Variants in LIG3 observed in about 807,000 individuals in gnomAD.
LIG3 encodes the protein DNA ligase 3.
A neutral mutation model predicts 110.9 loss-of-function variants in LIG3; 58 were observed. That is an observed-to-expected ratio of 0.52 (90% CI 0.42 to 0.65). The LOEUF is 0.65. Ranked by LOEUF, LIG3 falls within the 30% of genes least tolerant of loss-of-function variation. The pLI, the probability that LIG3 is intolerant of heterozygous loss-of-function variation, is 0.00. For synonymous variants in LIG3, 422 were observed against 472.8 expected, an observed-to-expected ratio of 0.89 and a Z score of 1.39; for missense variants, 1,094 against 1,273.8, an observed-to-expected ratio of 0.86 and a Z score of 2.15.
rs747105066 is a variant in LIG3, at chr17:34,991,651, A to C, written c.1042-20A>C. 3.1e-6 allele frequency: 5 copies of C among 1,612,514 alleles called. No individual in the cohort carries two copies. The East Asian group carries it at 1.1e-4, about 36-fold the overall frequency. On this transcript the variant is annotated intron_variant, in intron 5 of 19. Transcript: ENST00000378526. ...GCCACCCTAGGGTTGCAGCAGTGGCATTTTGGTTTTTGGAGACAGGGTGAC... is the reference window on the plus strand; with the variant it reads ...GCCACCCTAGGGTTGCAGCAGTGGCCTTTTGGTTTTTGGAGACAGGGTGAC...
At chr17:34,998,157 C>A in intron 12 of LIG3, 62 bp from the exon 13 acceptor site, 1 of 1,259,004 alleles carries the variant, frequency 7.9e-7, no homozygotes, top group Non-Finnish European at 1.1e-6. Context: ...AAGGAACAAC[C>A]CCCACTCACT....
At chr17:34,999,542 C>G in intron 15 of LIG3, 93 bp downstream of exon 15, 1 of 1,467,696 alleles carries the variant, frequency 6.8e-7, no homozygotes, top group Non-Finnish European at 9.2e-7. Context: ...ATTTCTGTCT[C>G]CCCAGAAAGA....
chr17:34,993,120 C>T (rs112962668), intron 8 of LIG3, among the ~76,000 whole-genome samples: 39 of 152,184 alleles, frequency 2.6e-4, no homozygotes, highest in African/African-American at 9.2e-4. Flanking sequence ...AGCCAGGCTT[C>T]CTGTGACAGG....
Position 34,991,944 on chromosome 17 carries a change from C to G in LIG3, c.1209-14C>G, listed in dbSNP as rs372110553. On this transcript the variant is annotated splice_polypyrimidine_tract_variant and intron_variant, in intron 6 of 19. Coordinates refer to ENST00000378526, the MANE Select transcript of LIG3 (RefSeq NM_013975.4). ...GCTCTTCAAGACCAAGTTAAATGTG[C>G]TTCATCCCCCTAGGTGTACAGCCAA... is the stretch of plus-strand genomic sequence containing the variant. 2.1e-5 allele frequency: 34 copies of G among 1,613,880 alleles called. No individual in the cohort carries two copies. In the African/African-American group the frequency reaches 4.0e-4, roughly 19 times the overall value.
rs1488545592 is a variant in LIG3, at chr17:35,008,335, A to G, written c.*3829A>G. On this transcript the variant is annotated 3_prime_UTR_variant, in exon 20 of 20. Transcript: ENST00000378526. The stretch of plus-strand genomic sequence containing the variant: ...GGTCTTGAGCAAGTTAGTTAGTTAC[A>G]ACAACACTGAGCATCTTGACCAAGG... 1 of 152,232 alleles carries G rather than the reference A, an allele frequency of 6.6e-6. No homozygotes were observed. The allele number at this position is 152,232 out of a possible 1,614,324, so 9.4% of individuals were successfully genotyped here.
chr17:34,995,675 C>G (rs1413801839), intron 9 of LIG3, among the ~76,000 whole-genome samples: 3 of 152,178 alleles, frequency 2.0e-5, no homozygotes, highest in Non-Finnish European at 4.4e-5. Flanking sequence ...TTCAAGTAGT[C>G]TGTTCTCCCC....
intron 5 of LIG3, 154 bp from the exon 6 acceptor site, chr17:34,991,517 G>T: frequency 2.9e-6 from 2 of 700,376 alleles, no homozygotes; most frequent in Non-Finnish European, 2.4e-6. Context: ...AGGAATTGTG[G>T]ATGGGCTAGT....
Position 34,983,205 on chromosome 17 carries a change from G to A in LIG3, c.200G>A (p.Arg67His), listed in dbSNP as rs748659769. ...LSFQGSHLRSRATYLVFLPGL... is the reference protein window; with the variant it reads ...LSFQGSHLRSHATYLVFLPGL... ...TTCCAGGGAAGCCATCTAAGATCAC[G>A]TGCCACCTACCTTGTTTTCTTGCCA... Residue 67 changes from arginine (R) to histidine (H), a missense_variant, in exon 2 of 20, where the codon CGT becomes CAT. Arg to His is a conservative substitution (Grantham distance 29, BLOSUM62 0). Coordinates refer to ENST00000378526, the MANE Select transcript of LIG3 (RefSeq NM_013975.4). The A allele has an allele frequency of 9.9e-6, 16 of 1,614,162 alleles. No individual in the cohort carries two copies. In the South Asian group the frequency reaches 1.1e-4, roughly 11 times the overall value.
At chr17:34,984,172 T>G (rs913302308) in intron 2 of LIG3, among the ~76,000 whole-genome samples, 1 of 152,222 alleles carries the variant, frequency 6.6e-6, no homozygotes, top group African/African-American at 2.4e-5. Flanking sequence ...GAGTCATACC[T>G]TCAGTAGCCT....
chr17:34,989,661 G>C lies in LIG3; in HGVS notation c.887G>C (p.Gly296Ala). 6.2e-7 allele frequency: 1 copy of C among 1,614,122 alleles called. No homozygotes were observed. Among genetic ancestry groups the C allele is most frequent in the Non-Finnish European group, 8.5e-7 (1 of 1,180,014 alleles). The change falls in exon 4 of 20, where the codon GGA becomes GCA. Residue 296 changes from glycine (G) to alanine (A), a missense_variant and splice_region_variant. Gly to Ala is a moderately conservative substitution (Grantham distance 60). Coordinates refer to ENST00000378526, the MANE Select transcript of LIG3 (RefSeq NM_013975.4). ...GACTTCCTTCGGAAAGGCTCAGCAGGAGGTGTGGCATGAGCATCCTGAATA... is the reference window on the plus strand; with the variant it reads ...GACTTCCTTCGGAAAGGCTCAGCAGCAGGTGTGGCATGAGCATCCTGAATA... ...IQDFLRKGSA[G>A]DGFHGDVYLT...
chr17:35,001,550 C>G (rs1486351716), intron 17 of LIG3, 147 bp downstream of exon 17: 4 of 814,508 alleles, frequency 4.9e-6, no homozygotes, highest in Non-Finnish European at 7.7e-6. Context: ...GAGAGGGAGA[C>G]AAACTGCTGC....
intron 1 of LIG3, among the ~76,000 whole-genome samples, chr17:34,982,244 A>G (rs866493638): frequency 6.6e-6 from 1 of 152,138 alleles, no homozygotes; most frequent in Non-Finnish European, 1.5e-5. Context: ...AGGGATTCTA[A>G]CTCAATTCCA....
rs2090813516 is a variant in LIG3 at position 34,999,229 on chromosome 17, C to T, written c.2114-78C>T. The T allele has an allele frequency of 3.3e-6, 5 of 1,501,070 alleles. No individual in the cohort carries two copies. In the East Asian group the frequency reaches 1.1e-4, roughly 35 times the overall value. The allele number at this position is 1,501,070 out of a possible 1,614,324, so 93.0% of individuals were successfully genotyped here. Reference sequence around the variant, plus strand: ...CACTCTGACGGCCAGGACCCAAGGTCCTCTCCCTGGCCCTGGGCTCTTGGG... The same window carrying T: ...CACTCTGACGGCCAGGACCCAAGGTTCTCTCCCTGGCCCTGGGCTCTTGGG... On this transcript the variant is annotated intron_variant, in intron 14 of 19. Coordinates refer to ENST00000378526, the MANE Select transcript of LIG3 (RefSeq NM_013975.4).
rs538200587 is a variant in LIG3, at chr17:35,000,702, G to A, written c.2332-555G>A. Among the ~76,000 whole-genome samples the A allele has an allele frequency of 8.8e-4, 122 of 138,716 alleles. 1 individual carries two copies. Among genetic ancestry groups the A allele is most frequent in the Non-Finnish European group, 1.6e-3 (104 of 66,248 alleles). The allele number at this position is 138,716 out of a possible 152,430, so 91.0% of individuals were successfully genotyped here. ...ATGATCTCATCTCACTGCAGCCTCC[G>A]CCTCCTGGGTTCAAGCAGTTCTCTC... On this transcript the variant is annotated intron_variant, in intron 16 of 19. Transcript: ENST00000378526.
rs117648761 is a variant in LIG3, at chr17:35,006,165, G to A, written c.*1659G>A. On this transcript the variant is annotated 3_prime_UTR_variant, in exon 20 of 20. Transcript: ENST00000378526. ...ACAAAAGGAAGAGAGACAATTTAGT[G>A]TAGACAAGTGCTATTCAATAGAACT... 1,765 of 161,000 alleles carry A rather than the reference G, an allele frequency of 0.011. 15 individuals are homozygous for A. Among genetic ancestry groups the A allele is most frequent in the Non-Finnish European group, 0.019 (1,387 of 73,388 alleles). The allele number at this position is 161,000 out of a possible 1,614,324, so 10.0% of individuals were successfully genotyped here.
rs1003918 is a variant in LIG3, at chr17:35,005,158, G to A, written c.*652G>A. ...AAAATGGGGCCTTTATGAAGAAAGG[G>A]GAGGTTATTTGGGCCACTCCTCTGG... On this transcript the variant is annotated 3_prime_UTR_variant, in exon 20 of 20. Transcript: ENST00000378526. 148,144 of 364,218 alleles carry A rather than the reference G, an allele frequency of 0.41. 32,137 individuals carry two copies. The highest frequency in any genetic ancestry group is 0.47 in the Non-Finnish European group (86,199 of 184,812). The allele number at this position is 364,218 out of a possible 1,614,324, so 22.6% of individuals were successfully genotyped here.
At position 34,992,692 on chromosome 17, in the gene LIG3, G is replaced by T. The variant is rs1392002644; in HGVS notation, c.1455G>T (p.Leu485Phe). The change falls in exon 8 of 20, where the codon TTG (leucine) becomes TTT (phenylalanine). Residue 485 changes from leucine to phenylalanine, a missense_variant and splice_region_variant. Physicochemically the swap from Leu to Phe is conservative, Grantham distance 22. Transcript: ENST00000378526. ...TGATGACACCTGTGCAGCCCATGTT[G>T]GTGAGGAGTGCTCCCCTGCCTCTGC... ...ASLMTPVQPMLAEACKSVEYA... is the reference protein window; with the variant it reads ...ASLMTPVQPMFAEACKSVEYA... 22 of 1,578,798 alleles carry T rather than the reference G, an allele frequency of 1.4e-5. No individual in the cohort carries two copies. Among genetic ancestry groups the T allele is most frequent in the Non-Finnish European group, 1.6e-5 (19 of 1,164,138 alleles).
At chr17:34,988,586 A>G (rs555090000) in intron 3 of LIG3, among the ~76,000 whole-genome samples, 1 of 152,226 alleles carries the variant, frequency 6.6e-6, no homozygotes, top group African/African-American at 2.4e-5. Flanking sequence ...TGAGTTGCAC[A>G]TAATTATTTT....
At chr17:35,003,594 C>A (rs2090868006) in intron 19 of LIG3, 1 of 160,766 alleles carries the variant, frequency 6.2e-6, no homozygotes, top group Non-Finnish European at 1.4e-5. Flanking sequence ...GGATTACAGG[C>A]CTGAGCCACC....
Sources: gnomAD v4.1 joint callset for allele counts (sites outside exome capture counted in the v4.1 genomes callset) on GRCh38, gnomAD v4.1.1 for gene constraint, MANE v1.5 for transcripts, NCBI Gene and HGNC (gene_info 2026-07-23, HGNC 2026-07-21) for gene names.